The following RNF150 variants were observed in gnomAD, a reference collection of about 807,000 sequenced individuals.
RNF150 encodes ring finger protein 150.
In RNF150, 24 loss-of-function variants were observed where a neutral mutation model predicts 39.3. The observed-to-expected ratio is 0.61, with a 90% confidence interval of 0.44 to 0.86. The LOEUF (loss-of-function observed/expected upper bound fraction) is 0.86, where lower values mean the gene tolerates loss of function less well. RNF150 is among the 40% of genes least tolerant of loss of function. The pLI is 0.00. For missense variants in RNF150, 502 were observed against 587.8 expected, an observed-to-expected ratio of 0.85 and a Z score of 1.51; for synonymous variants, 255 against 227.3, an observed-to-expected ratio of 1.12 and a Z score of -1.10.
Position 140,860,886 on chromosome 4 carries a change from T to C in RNF150, c.*7375A>G, listed in dbSNP as rs1335653909. 6.6e-6 allele frequency: 1 copy of C among 152,152 alleles called. No individual in the cohort carries two copies. Among genetic ancestry groups the C allele is most frequent in the Non-Finnish European group, 1.5e-5 (1 of 68,038 alleles). The allele number at this position is 152,152 out of a possible 1,614,324, so 9.4% of individuals were successfully genotyped here. A position where few individuals can be genotyped will look rare whatever the true frequency, so the allele number is the denominator to read the frequency against. ...ATCACATATGTACTGCTTGAGAGTT[T>C]CCCCTGGAAACCAGAATAATCATCC... On this transcript the variant is annotated 3_prime_UTR_variant, in exon 7 of 7. Transcript: ENST00000515673.
intron 6 of RNF150, among the ~76,000 whole-genome samples, chr4:140,871,460 C>T (rs1026741087): frequency 6.6e-6 from 1 of 152,036 alleles, no homozygotes; most frequent in African/African-American, 2.4e-5. Flanking sequence ...AAATCTTATT[C>T]CTGGAGATAA....
intron 1 of RNF150, among the ~76,000 whole-genome samples, chr4:141,016,896 T>G (rs1735298004): frequency 6.6e-6 from 1 of 152,170 alleles, no homozygotes; most frequent in Non-Finnish European, 1.5e-5. Flanking sequence ...CTCTCCACTG[T>G]CAATGCCTCA....
intron 1 of RNF150, chr4:141,053,594 T>G: frequency 1.4e-6 from 1 of 694,546 alleles, no homozygotes; most frequent in Non-Finnish European, 2.1e-6. Flanking sequence ...GAAAATTGAT[T>G]AGAAAGTTAA....
chr4:140,912,961 A>T (rs2081472), intron 5 of RNF150, among the ~76,000 whole-genome samples: 8 of 9,776 alleles, frequency 8.2e-4, no homozygotes, highest in Non-Finnish European at 1.1e-3. Context: ...TCAGAACATA[A>T]AAAAAAAAAA....
chr4:140,891,449 G>A (rs1729749864), intron 6 of RNF150, among the ~76,000 whole-genome samples: 1 of 152,192 alleles, frequency 6.6e-6, no homozygotes, highest in Non-Finnish European at 1.5e-5. Flanking sequence ...GAGGAACTGG[G>A]AAGGCTGGAC....
chr4:141,026,198 C>T (rs1361575882), intron 1 of RNF150, among the ~76,000 whole-genome samples: 1 of 152,018 alleles, frequency 6.6e-6, no homozygotes, highest in Non-Finnish European at 1.5e-5. Context: ...ACAAAGTAAA[C>T]CCAAGGGTAA....
intron 4 of RNF150, among the ~76,000 whole-genome samples, chr4:140,936,455 G>A (rs1731866645): frequency 6.6e-6 from 1 of 151,996 alleles, no homozygotes; most frequent in South Asian, 2.1e-4. Context: ...GGAAAAATGG[G>A]TTTAAAAAAT....
intron 1 of RNF150, among the ~76,000 whole-genome samples, chr4:141,084,116 GACAA>G (rs1738259095): frequency 6.6e-6 from 1 of 152,080 alleles, no homozygotes; most frequent in African/African-American, 2.4e-5. Context: ...AGAAATAAAT[GACAA>G]ACAAATACTA....
At chr4:141,009,794 C>T (rs534174500) in intron 1 of RNF150, among the ~76,000 whole-genome samples, 2 of 152,100 alleles carry the variant, frequency 1.3e-5, no homozygotes, top group East Asian at 1.9e-4. Context: ...CTTTTTCATC[C>T]TTATTATATT....
rs1347192569 is a variant in RNF150, at chr4:140,945,510, T to A, written c.890+2144A>T. On this transcript the variant is annotated intron_variant, in intron 4 of 6. Transcript: ENST00000515673. ...TAGCAATTATATATATATACACATA[T>A]ACACACACTACATATATATACATAT... Among the ~76,000 whole-genome samples, 3 of 149,322 alleles carry A rather than the reference T, an allele frequency of 2.0e-5. No individual in the cohort carries two copies. In the Admixed American group the frequency reaches 2.0e-4, roughly 10 times the overall value.
At chr4:141,165,329 A>C (rs1458950645) in intron 1 of RNF150, among the ~76,000 whole-genome samples, 1 of 152,158 alleles carries the variant, frequency 6.6e-6, no homozygotes, top group African/African-American at 2.4e-5. Flanking sequence ...AGAGACTTGC[A>C]CTCCCACGCA....
At chr4:141,200,239 T>C (rs28567777) in intron 1 of RNF150, among the ~76,000 whole-genome samples, 43,780 of 151,912 alleles carry the variant, frequency 0.29, 6,678 homozygotes, top group African/African-American at 0.39. Context: ...TTCTTCTTGC[T>C]GTATTCTCAT....
intron 1 of RNF150, among the ~76,000 whole-genome samples, chr4:141,047,167 T>A (rs1183938589): frequency 6.6e-6 from 1 of 152,144 alleles, no homozygotes; most frequent in African/African-American, 2.4e-5. Context: ...CCTGCTTTAA[T>A]ATTTCACAGC....
At position 140,947,582 on chromosome 4, in the gene RNF150, G is replaced by A. The variant is rs2321687; in HGVS notation, c.890+72C>T. 2.2e-5 allele frequency: 24 copies of A among 1,066,966 alleles called. No individual in the cohort carries two copies. In the East Asian group the frequency reaches 2.7e-4, roughly 12 times the overall value. 66.1% of individuals were successfully genotyped at this position (1,066,966 alleles called of 1,614,324 possible). A position where few individuals can be genotyped will look rare whatever the true frequency, so the allele number is the denominator to read the frequency against. On this transcript the variant is annotated intron_variant, in intron 4 of 6. Coordinates refer to ENST00000515673, the MANE Select transcript of RNF150 (RefSeq NM_020724.2). ...CTGGCAGCACTATGCCCAGCAGGTC[G>A]GGGCCAGGGAGGCCACGCAGGCACG...
At chr4:141,157,221 C>T (rs576892427) in intron 1 of RNF150, among the ~76,000 whole-genome samples, 1 of 152,110 alleles carries the variant, frequency 6.6e-6, no homozygotes, top group Non-Finnish European at 1.5e-5. Flanking sequence ...TATCTCCCCC[C>T]CCAAAAATGT....
chr4:140,884,651 G>C (rs1729496246), intron 6 of RNF150, among the ~76,000 whole-genome samples: 1 of 152,118 alleles, frequency 6.6e-6, no homozygotes. Context: ...GTTTATGTTT[G>C]AGACACGTGC....
chr4:140,921,199 A>AAT (rs1553991740), intron 5 of RNF150, among the ~76,000 whole-genome samples: 2 of 132,420 alleles, frequency 1.5e-5, no homozygotes, highest in African/African-American at 5.5e-5. Flanking sequence ...TAATAATAAT[A>AAT]ATATAATTGA....
At chr4:141,015,988 A>G (rs1013435831) in intron 1 of RNF150, among the ~76,000 whole-genome samples, 1 of 152,102 alleles carries the variant, frequency 6.6e-6, no homozygotes, top group African/African-American at 2.4e-5. Flanking sequence ...ATTGCTGATA[A>G]CACTCTCCAC....
intron 1 of RNF150, among the ~76,000 whole-genome samples, chr4:141,062,173 A>C (rs1274906168): frequency 6.6e-6 from 1 of 152,158 alleles, no homozygotes; most frequent in Non-Finnish European, 1.5e-5. Flanking sequence ...AGGTAACATA[A>C]GATGTGGAAG....
Sources: gnomAD v4.1 joint callset for allele counts (sites outside exome capture counted in the v4.1 genomes callset) on GRCh38, gnomAD v4.1.1 for gene constraint, MANE v1.5 for transcripts, NCBI Gene and HGNC (gene_info 2026-07-23, HGNC 2026-07-21) for gene names.